C6: variants seen among roughly 807,000 people sequenced by gnomAD.
C6 encodes complement C6.
In C6, 101 loss-of-function variants were observed where a neutral mutation model predicts 112.9. That is an observed-to-expected ratio of 0.89 (90% confidence interval 0.76 to 1.06). The LOEUF is 1.06. C6 is among the 50% of genes least tolerant of loss of function. The pLI, the probability that C6 is intolerant of heterozygous loss-of-function variation, is 0.00. For missense variants in C6, 1,202 were observed against 1,104.6 expected (o/e 1.09, Z -1.25); for synonymous variants, 431 against 384.1 (o/e 1.12, Z -1.43).
intron 9 of C6, among the ~76,000 whole-genome samples, chr5:41,170,735 TC>T (rs1748360313): frequency 6.6e-6 from 1 of 152,274 alleles, no homozygotes; most frequent in Admixed American, 6.5e-5. Flanking sequence ...TTTATTTGTT[TC>T]TTGTCTGTCT....
chr5:41,245,664 C>T (rs1162653195), intron 1 of C6, among the ~76,000 whole-genome samples: 1 of 152,102 alleles, frequency 6.6e-6, no homozygotes, highest in African/African-American at 2.4e-5. Flanking sequence ...CTATCAAATG[C>T]TTTTCCTTCA....
chr5:41,256,483 A>G (rs1741715488), intron 1 of C6, among the ~76,000 whole-genome samples: 1 of 149,430 alleles, frequency 6.7e-6, no homozygotes, highest in Non-Finnish European at 1.5e-5. Flanking sequence ...TACAGGCCTC[A>G]GGCTGGACTG....
intron 1 of C6, among the ~76,000 whole-genome samples, chr5:41,211,069 G>T (rs1429405796): frequency 1.3e-5 from 2 of 152,168 alleles, no homozygotes; most frequent in Non-Finnish European, 2.9e-5. Flanking sequence ...AAAAAATGAT[G>T]AGTTCATATC....
intron 9 of C6, among the ~76,000 whole-genome samples, chr5:41,169,604 G>A (rs550798000): frequency 4.1e-4 from 63 of 152,246 alleles, no homozygotes; most frequent in Middle Eastern, 3.4e-3. Flanking sequence ...TGTACAGGAA[G>A]CCTGGCAGGG....
At chr5:41,201,437 G>T in intron 3 of C6, 121 bp downstream of exon 3, 2 of 987,118 alleles carry the variant, frequency 2.0e-6, no homozygotes, top group South Asian at 1.4e-5. Context: ...CTCAATGGAA[G>T]CTGAGACAGT....
intron 1 of C6, among the ~76,000 whole-genome samples, chr5:41,230,254 G>A (rs1031305066): frequency 1.3e-5 from 2 of 152,116 alleles, no homozygotes; most frequent in Non-Finnish European, 2.9e-5. Flanking sequence ...CTGACTGACT[G>A]GGGGGTTGGG....
intron 17 of C6, among the ~76,000 whole-genome samples, chr5:41,146,184 C>A (rs369830078): frequency 6.6e-6 from 1 of 152,098 alleles, no homozygotes; most frequent in African/African-American, 2.4e-5. Flanking sequence ...CCGTTCCTGT[C>A]GGTTGGTGGT....
intron 1 of C6, among the ~76,000 whole-genome samples, chr5:41,209,853 T>G (rs564972532): frequency 1.5e-4 from 23 of 152,344 alleles, no homozygotes; most frequent in Non-Finnish European, 3.2e-4. Context: ...CTTCACAGAA[T>G]TGGTAAAAAC....
chr5:41,223,092 C>T (rs536203076), intron 1 of C6, among the ~76,000 whole-genome samples: 4 of 152,210 alleles, frequency 2.6e-5, no homozygotes, highest in African/African-American at 7.2e-5. Flanking sequence ...TTGTACTCAG[C>T]CTGGAGCTGA....
intron 1 of C6, among the ~76,000 whole-genome samples, chr5:41,242,203 A>G (rs919769707): frequency 5.3e-5 from 8 of 152,166 alleles, no homozygotes; most frequent in African/African-American, 1.9e-4. Flanking sequence ...CCATGTGTCA[A>G]GGGTGGGACC....
intron 6 of C6, among the ~76,000 whole-genome samples, chr5:41,181,778 C>T (rs933946599): frequency 2.0e-5 from 3 of 152,140 alleles, no homozygotes; most frequent in African/African-American, 7.2e-5. Flanking sequence ...GAGGTAAGTA[C>T]TGTGTGACCA....
At chr5:41,205,843 C>T (rs989320373) in intron 1 of C6, among the ~76,000 whole-genome samples, 2 of 152,236 alleles carry the variant, frequency 1.3e-5, no homozygotes, top group African/African-American at 2.4e-5. Context: ...ACTTCAACGT[C>T]CCTGTCTGAC....
intron 15 of C6, 105 bp from the exon 16 acceptor site, chr5:41,150,130 C>A: frequency 1.3e-6 from 1 of 779,528 alleles, no homozygotes; most frequent in East Asian, 2.6e-5. Flanking sequence ...ATATTTATCT[C>A]TTGGAGTTAG....
At chr5:41,153,223 T>C (rs994998323) in intron 15 of C6, among the ~76,000 whole-genome samples, 2 of 152,256 alleles carry the variant, frequency 1.3e-5, no homozygotes, top group Non-Finnish European at 2.9e-5. Context: ...TCAATATTAT[T>C]GGAGAGAAAG....
chr5:41,162,375 C>T (rs1215513267), intron 9 of C6, among the ~76,000 whole-genome samples: 1 of 152,018 alleles, frequency 6.6e-6, no homozygotes, highest in East Asian at 1.9e-4. Context: ...GGTGAAACTT[C>T]CAATTACAGG....
intron 9 of C6, among the ~76,000 whole-genome samples, chr5:41,167,292 T>A (rs898386653): frequency 1.3e-5 from 2 of 152,150 alleles, no homozygotes; most frequent in Non-Finnish European, 2.9e-5. Context: ...GAGTCCTTAA[T>A]GCTTGAACTA....
intron 1 of C6, among the ~76,000 whole-genome samples, chr5:41,234,770 T>A (rs903483326): frequency 2.0e-5 from 3 of 152,140 alleles, no homozygotes; most frequent in Admixed American, 6.5e-5. Context: ...AGCTTTATAA[T>A]CATGAGAAAC....
At chr5:41,175,487 G>A (rs918114643) in intron 8 of C6, among the ~76,000 whole-genome samples, 6 of 152,154 alleles carry the variant, frequency 3.9e-5, no homozygotes, top group Non-Finnish European at 7.4e-5. Flanking sequence ...TACCTCTACA[G>A]AGAAAGAGAT....
intron 5 of C6, among the ~76,000 whole-genome samples, chr5:41,195,401 C>G (rs1267318768): frequency 6.6e-6 from 1 of 152,174 alleles, no homozygotes; most frequent in Non-Finnish European, 1.5e-5. Flanking sequence ...TCCATTTGCT[C>G]CTGACATTTC....
Sources: allele counts gnomAD v4.1 joint callset (sites outside exome capture counted in the v4.1 genomes callset), GRCh38; gene constraint gnomAD v4.1.1; transcripts MANE v1.5; gene names NCBI Gene and HGNC (gene_info 2026-07-23, HGNC 2026-07-21).